RAP1GDS1: variants seen among roughly 807,000 people sequenced by gnomAD.
The protein encoded by RAP1GDS1 is RAP1, GTP-GDP dissociation stimulator 1.
Under a neutral mutation model 71.1 loss-of-function variants are expected in RAP1GDS1, and 35 were observed. The ratio of observed to expected loss-of-function variants is 0.49; its 90% CI spans 0.38 to 0.65. The LOEUF is 0.65. Among genes scored for constraint, RAP1GDS1 ranks in the 30% least tolerant of loss-of-function variants. The probability of loss-of-function intolerance (pLI) is 0.00; values close to 1 mark genes in which losing one functional copy is unlikely to be tolerated. For missense variants in RAP1GDS1, 663 were observed against 706.1 expected, an observed-to-expected ratio of 0.94 and a Z score of 0.69; for synonymous variants, 229 against 243.1, an observed-to-expected ratio of 0.94 and a Z score of 0.54.
At chr4:98,367,771 G>C (rs1477482077) in intron 4 of RAP1GDS1, among the ~76,000 whole-genome samples, 1 of 152,196 alleles carries the variant, frequency 6.6e-6, no homozygotes, top group East Asian at 1.9e-4. Flanking sequence ...GTTTTGGCCA[G>C]TGCCTCCCAT....
At chr4:98,387,169 G>A (rs902311699) in intron 5 of RAP1GDS1, among the ~76,000 whole-genome samples, 5 of 152,096 alleles carry the variant, frequency 3.3e-5, no homozygotes, top group African/African-American at 1.2e-4. Context: ...ACTGTATTTT[G>A]AATTGTGTCT....
chr4:98,310,089 T>G (rs2110317487), intron 2 of RAP1GDS1, among the ~76,000 whole-genome samples: 1 of 152,218 alleles, frequency 6.6e-6, no homozygotes, highest in East Asian at 1.9e-4. Context: ...AATACTTCAT[T>G]TAATCATAGA....
At chr4:98,410,580 A>G (rs548042060) in intron 7 of RAP1GDS1, among the ~76,000 whole-genome samples, 5 of 152,352 alleles carry the variant, frequency 3.3e-5, no homozygotes, top group Non-Finnish European at 7.3e-5. Context: ...AGCATTATTT[A>G]TAATGAAAAA....
chr4:98,425,556 C>G (rs940517231), intron 12 of RAP1GDS1, among the ~76,000 whole-genome samples: 1 of 151,980 alleles, frequency 6.6e-6, no homozygotes, highest in Non-Finnish European at 1.5e-5. Flanking sequence ...TAAATGGATA[C>G]CAAAAGTCAG....
At chr4:98,354,243 T>C (rs1014415322) in intron 4 of RAP1GDS1, among the ~76,000 whole-genome samples, 2 of 151,666 alleles carry the variant, frequency 1.3e-5, no homozygotes, top group South Asian at 4.2e-4. Context: ...TTTGTATTTT[T>C]AGTAGAGACG....
At chr4:98,314,812 A>G (rs949781016) in intron 2 of RAP1GDS1, among the ~76,000 whole-genome samples, 1 of 152,208 alleles carries the variant, frequency 6.6e-6, no homozygotes, top group African/African-American at 2.4e-5. Flanking sequence ...AAGTCTTTCA[A>G]AGTGTCACAG....
intron 4 of RAP1GDS1, among the ~76,000 whole-genome samples, chr4:98,363,660 T>C (rs192313292): frequency 5.3e-5 from 8 of 152,120 alleles, no homozygotes; most frequent in African/African-American, 1.9e-4. Context: ...ATGAATCATC[T>C]TGAAGTAGTG....
intron 2 of RAP1GDS1, among the ~76,000 whole-genome samples, chr4:98,333,993 A>G (rs1202923739): frequency 6.6e-6 from 1 of 152,188 alleles, no homozygotes; most frequent in Non-Finnish European, 1.5e-5. Flanking sequence ...CAGTAAACTT[A>G]GGCAAAAATG....
chr4:98,441,951 A>G, intron 14 of RAP1GDS1, 39 bp from the exon 15 acceptor site: 2 of 1,607,710 alleles, frequency 1.2e-6, no homozygotes, highest in African/African-American at 1.3e-5. Flanking sequence ...ACTTAGAACA[A>G]CCTAACAGAA....
rs553866576 is a variant in RAP1GDS1, at chr4:98,392,289, T to G, written c.637+209T>G. 1.8e-3 allele frequency: 694 copies of G among 392,600 alleles called. 6 individuals are homozygous for G. In the South Asian group the frequency reaches 0.02, roughly 12 times the overall value. 24.3% of individuals were successfully genotyped at this position (392,600 alleles called of 1,614,324 possible). On this transcript the variant is annotated intron_variant, in intron 6 of 14. Coordinates refer to ENST00000408927, the MANE Select transcript of RAP1GDS1 (RefSeq NM_001100427.2). ...TTATGAGAGCGTTTTATTTCCCTAA[T>G]AATTAATTTTACATATTAATGTTTA...
chr4:98,337,020 G>A (rs944382151), intron 2 of RAP1GDS1, among the ~76,000 whole-genome samples: 6 of 152,088 alleles, frequency 3.9e-5, no homozygotes, highest in African/African-American at 1.2e-4. Context: ...TCAGCCTCCC[G>A]AGTAGCTGGG....
intron 1 of RAP1GDS1, among the ~76,000 whole-genome samples, chr4:98,291,914 G>C (rs1036007590): frequency 2.0e-5 from 3 of 152,080 alleles, no homozygotes; most frequent in Non-Finnish European, 2.9e-5. Flanking sequence ...TTAAGGAACT[G>C]CCAGGTGTCC....
intron 2 of RAP1GDS1, among the ~76,000 whole-genome samples, chr4:98,340,178 T>C (rs920148891): frequency 6.6e-6 from 1 of 152,088 alleles, no homozygotes; most frequent in African/African-American, 2.4e-5. Flanking sequence ...GTATTATTGG[T>C]CATGTACCCA....
At chr4:98,392,480 C>G (rs1051285126) in intron 6 of RAP1GDS1, among the ~76,000 whole-genome samples, 2 of 152,082 alleles carry the variant, frequency 1.3e-5, no homozygotes, top group African/African-American at 4.8e-5. Flanking sequence ...TTCGGAAGGC[C>G]GAGGTGGGTG....
At chr4:98,317,826 A>T (rs10006020) in intron 2 of RAP1GDS1, among the ~76,000 whole-genome samples, 12,773 of 142,910 alleles carry the variant, frequency 0.089, 627 homozygotes, top group African/African-American at 0.15. Flanking sequence ...ATATATATAT[A>T]TTTTTTTTTC....
intron 1 of RAP1GDS1, among the ~76,000 whole-genome samples, chr4:98,264,916 G>A (rs2110218873): frequency 6.6e-6 from 1 of 152,308 alleles, no homozygotes; most frequent in South Asian, 2.1e-4. Flanking sequence ...CAAAAGGTAA[G>A]GAAATAGTGG....
intron 4 of RAP1GDS1, among the ~76,000 whole-genome samples, chr4:98,365,603 A>G (rs1280589725): frequency 6.6e-6 from 1 of 152,180 alleles, no homozygotes; most frequent in African/African-American, 2.4e-5. Context: ...AGCCTGGGCA[A>G]CAGAGCAAGA....
At chr4:98,405,525 G>A (rs543319402) in intron 7 of RAP1GDS1, among the ~76,000 whole-genome samples, 5 of 152,184 alleles carry the variant, frequency 3.3e-5, no homozygotes, top group African/African-American at 1.2e-4. Context: ...GGAGAGTAGA[G>A]AAGGTGGGGA....
At chr4:98,434,131 A>C in intron 13 of RAP1GDS1, 69 bp downstream of exon 13, 1 of 1,556,532 alleles carries the variant, frequency 6.4e-7, no homozygotes, top group South Asian at 1.1e-5. Flanking sequence ...ATAGAAGTGG[A>C]GTTGAAGTCA....
Sources: gnomAD v4.1 joint callset for allele counts (sites outside exome capture counted in the v4.1 genomes callset) on GRCh38, gnomAD v4.1.1 for gene constraint, MANE v1.5 for transcripts, NCBI Gene and HGNC (gene_info 2026-07-23, HGNC 2026-07-21) for gene names.